Variants in AUTS2 observed in about 807,000 individuals in gnomAD.
The protein encoded by AUTS2 is activator of transcription and developmental regulator AUTS2, also known as autism susceptibility gene 2 protein.
AUTS2 carries 17 observed loss-of-function variants against 112.4 expected under a neutral mutation model. That is an observed-to-expected ratio of 0.15 (90% CI 0.10 to 0.23). AUTS2 has a LOEUF of 0.23. Among genes scored for constraint, AUTS2 ranks in the 10% least tolerant of loss-of-function variants. The probability of loss-of-function intolerance (pLI) is 1.00; values close to 1 mark genes in which losing one functional copy is unlikely to be tolerated. For synonymous variants in AUTS2, 751 were observed against 702.7 expected (o/e 1.07, Z -1.09); for missense variants, 1,510 against 1,701.6 (o/e 0.89, Z 1.98).
chr7:70,600,173 A>G (rs1399685068), intron 5 of AUTS2, among the ~76,000 whole-genome samples: 1 of 152,160 alleles, frequency 6.6e-6, no homozygotes, highest in Non-Finnish European at 1.5e-5. Context: ...TTGTTTTCTA[A>G]TTGTTATTGA....
chr7:70,105,010 A>G (rs932952245), intron 2 of AUTS2, among the ~76,000 whole-genome samples: 2 of 152,232 alleles, frequency 1.3e-5, no homozygotes, highest in African/African-American at 4.8e-5. Context: ...AATGAAGGAC[A>G]GCTTACGTTT....
chr7:69,913,102 A>T (rs1484282610), intron 2 of AUTS2, among the ~76,000 whole-genome samples: 1 of 152,232 alleles, frequency 6.6e-6, no homozygotes, highest in Non-Finnish European at 1.5e-5. Flanking sequence ...TATTTGGATG[A>T]ACCCTGTGTT....
chr7:70,406,688 G>T (rs1406100221), intron 4 of AUTS2, among the ~76,000 whole-genome samples: 1 of 152,208 alleles, frequency 6.6e-6, no homozygotes, highest in Non-Finnish European at 1.5e-5. Context: ...CTGGGAGTTA[G>T]TTGCAGTCAG....
At chr7:70,156,891 T>TAAAAAAAAAAAAAAAAAAAAAAA (rs781281055) in intron 4 of AUTS2, among the ~76,000 whole-genome samples, 1 of 37,876 alleles carries the variant, frequency 2.6e-5, no homozygotes, top group African/African-American at 1.1e-4. Context: ...CTACTAAAAG[T>TAAAAAAAAAAAAAAAAAAAAAAA]AAAAAAAAAA....
rs568909896 is a variant in AUTS2, at chr7:70,122,743, C to T, written c.624+4510C>T. Among the ~76,000 whole-genome samples the T allele has an allele frequency of 3.3e-5, 5 of 151,998 alleles. No homozygotes were observed. The South Asian group carries it at 6.2e-4, about 19-fold the overall frequency. On this transcript the variant is annotated intron_variant, in intron 3 of 18. Coordinates refer to ENST00000342771, the MANE Select transcript of AUTS2 (RefSeq NM_015570.4). ...GGAAAGAAAGAAAAATGACCCAAAA[C>T]GTGGACATTTACTGAAATGTTTTGA...
chr7:70,188,079 T>A (rs1234842303), intron 4 of AUTS2, among the ~76,000 whole-genome samples: 1 of 152,230 alleles, frequency 6.6e-6, no homozygotes, highest in East Asian at 1.9e-4. Flanking sequence ...TTTTACTTCC[T>A]TGTCCCATCA....
At position 70,088,085 on chromosome 7, in the gene AUTS2, C is replaced by T. The variant is rs1274144901; in HGVS notation, c.523-30047C>T. On this transcript the variant is annotated intron_variant, in intron 2 of 18. Transcript: ENST00000342771. Reference sequence around the variant, plus strand: ...GTGGCTAGAGGTCTGTAAGTTTTATCGGTCTTCTCAAAGAACTAACTTTTG... The same window carrying T: ...GTGGCTAGAGGTCTGTAAGTTTTATTGGTCTTCTCAAAGAACTAACTTTTG... 4.7e-5 allele frequency among the ~76,000 whole-genome samples: 7 copies of T among 148,078 alleles called. No individual in the cohort carries two copies. In the South Asian group the frequency reaches 6.4e-4, roughly 13 times the overall value.
intron 4 of AUTS2, among the ~76,000 whole-genome samples, chr7:70,329,045 T>C (rs571360670): frequency 6.6e-6 from 1 of 152,336 alleles, no homozygotes; most frequent in East Asian, 1.9e-4. Context: ...TGACCTTTTT[T>C]GTCTGGCTTC....
At chr7:70,489,692 C>A (rs1243365215) in intron 5 of AUTS2, among the ~76,000 whole-genome samples, 1 of 152,192 alleles carries the variant, frequency 6.6e-6, no homozygotes, top group Non-Finnish European at 1.5e-5. Context: ...TGGGCAGGCA[C>A]TGAGCTAATC....
At chr7:70,787,912 C>T (rs1171806392) in intron 18 of AUTS2, among the ~76,000 whole-genome samples, 1 of 152,118 alleles carries the variant, frequency 6.6e-6, no homozygotes, top group Non-Finnish European at 1.5e-5. Flanking sequence ...AAACTCAAAG[C>T]CTGGGGCTCA....
At chr7:69,786,683 A>G (rs1789393131) in intron 1 of AUTS2, among the ~76,000 whole-genome samples, 1 of 152,146 alleles carries the variant, frequency 6.6e-6, no homozygotes, top group Non-Finnish European at 1.5e-5. Flanking sequence ...CTAACTCTGA[A>G]CACAAGGTGA....
chr7:70,627,446 T>G (rs2129537906), intron 5 of AUTS2, among the ~76,000 whole-genome samples: 1 of 152,352 alleles, frequency 6.6e-6, no homozygotes, highest in East Asian at 1.9e-4. Context: ...TTCTGTGGAT[T>G]GCCTCTTTTC....
intron 8 of AUTS2, 121 bp downstream of exon 8, chr7:70,765,126 T>A (rs573827140): frequency 6.7e-6 from 9 of 1,342,570 alleles, no homozygotes; most frequent in Admixed American, 4.6e-5. Flanking sequence ...CCTTCCTTAC[T>A]GTGATCTTCC....
chr7:70,532,592 G>A (rs536641315), intron 5 of AUTS2, among the ~76,000 whole-genome samples: 6 of 152,260 alleles, frequency 3.9e-5, no homozygotes, highest in South Asian at 2.1e-4. Context: ...AACTATTCCT[G>A]CATTCGCGTA....
chr7:69,704,240 T>C (rs2129192090), intron 1 of AUTS2, among the ~76,000 whole-genome samples: 1 of 152,278 alleles, frequency 6.6e-6, no homozygotes, highest in East Asian at 1.9e-4. Flanking sequence ...AACTCCTTAG[T>C]GTGCCATATT....
chr7:69,652,059 G>A (rs772979751), intron 1 of AUTS2, among the ~76,000 whole-genome samples: 2 of 152,148 alleles, frequency 1.3e-5, no homozygotes, highest in African/African-American at 2.4e-5. Context: ...GGCCTTTGGA[G>A]CCTCCAGCTT....
chr7:70,096,040 G>T (rs1165736149), intron 2 of AUTS2, among the ~76,000 whole-genome samples: 1 of 152,070 alleles, frequency 6.6e-6, no homozygotes, highest in African/African-American at 2.4e-5. Flanking sequence ...TCAACTCTGA[G>T]TTCAAGACCT....
intron 4 of AUTS2, among the ~76,000 whole-genome samples, chr7:70,344,254 A>G (rs1405438867): frequency 6.6e-6 from 1 of 152,202 alleles, no homozygotes; most frequent in African/African-American, 2.4e-5. Context: ...ATAGAAATCA[A>G]TGAGACCTAT....
intron 2 of AUTS2, among the ~76,000 whole-genome samples, chr7:69,918,569 C>T (rs1047387092): frequency 2.8e-4 from 43 of 152,184 alleles, no homozygotes; most frequent in African/African-American, 1.0e-3. Flanking sequence ...GATACAAAGA[C>T]ATTTCTGTTA....
Sources: allele counts gnomAD v4.1 joint callset (sites outside exome capture counted in the v4.1 genomes callset), GRCh38; gene constraint gnomAD v4.1.1; transcripts MANE v1.5; gene names NCBI Gene and HGNC (gene_info 2026-07-23, HGNC 2026-07-21).